PRKN: variants seen among roughly 807,000 people sequenced by gnomAD.
PRKN encodes the protein E3 ubiquitin-protein ligase parkin.
PRKN carries 56 observed loss-of-function variants against 59.5 expected under a neutral mutation model. The ratio of observed to expected loss-of-function variants is 0.94; its 90% confidence interval spans 0.76 to 1.18. The LOEUF (loss-of-function observed/expected upper bound fraction) is 1.18, where lower values mean the gene tolerates loss of function less well. PRKN is among the 50% of genes most tolerant of loss of function. The probability of loss-of-function intolerance (pLI) is 0.00; values close to 1 mark genes in which losing one functional copy is unlikely to be tolerated. For synonymous variants in PRKN, 250 were observed against 222.1 expected (o/e 1.13, Z -1.12); for missense variants, 657 against 596.4 (o/e 1.10, Z -1.06).
intron 7 of PRKN, among the ~76,000 whole-genome samples, chr6:161,714,162 T>C (rs560876735): frequency 3.3e-5 from 5 of 152,232 alleles, no homozygotes; most frequent in South Asian, 2.1e-4. Flanking sequence ...ATATTAGCAA[T>C]AGATGACAAG....
intron 7 of PRKN, among the ~76,000 whole-genome samples, chr6:161,654,471 G>C (rs1784267413): frequency 6.6e-6 from 1 of 152,110 alleles, no homozygotes; most frequent in Non-Finnish European, 1.5e-5. Context: ...GCAATGCCGA[G>C]AGGGAGGAGG....
chr6:161,723,527 G>A lies in PRKN; in HGVS notation c.871+62245C>T, dbSNP rs944547864. Among the ~76,000 whole-genome samples, 10 of 152,166 alleles carry A rather than the reference G, an allele frequency of 6.6e-5. No individual in the cohort carries two copies. In the South Asian group the frequency reaches 1.7e-3, roughly 25 times the overall value. On this transcript the variant is annotated intron_variant, in intron 7 of 11. Coordinates refer to ENST00000366898, the MANE Select transcript of PRKN (RefSeq NM_004562.3). ...TGGCTTTCTGGCTCCTGTTGTTGGC[G>A]GCTGGGAGAAATGACCTATGCAGGG...
At chr6:161,981,815 C>G (rs997528154) in intron 5 of PRKN, among the ~76,000 whole-genome samples, 2 of 152,124 alleles carry the variant, frequency 1.3e-5, no homozygotes, top group Non-Finnish European at 1.5e-5. Context: ...TTAAGTTACA[C>G]CTAGTCAAAC....
At chr6:161,831,029 TC>T (rs376631364) in intron 6 of PRKN, among the ~76,000 whole-genome samples, 1 of 152,122 alleles carries the variant, frequency 6.6e-6, no homozygotes, top group African/African-American at 2.4e-5. Context: ...GTTATCCAGA[TC>T]CCTTTTTATC....
intron 1 of PRKN, among the ~76,000 whole-genome samples, chr6:162,544,198 A>G (rs1779030396): frequency 6.6e-6 from 1 of 152,142 alleles, no homozygotes; most frequent in Non-Finnish European, 1.5e-5. Context: ...TACATAATGG[A>G]TACATAAGCA....
intron 2 of PRKN, among the ~76,000 whole-genome samples, chr6:162,360,686 C>T (rs938414466): frequency 6.6e-6 from 1 of 152,080 alleles, no homozygotes; most frequent in Admixed American, 6.6e-5. Context: ...AAGTAAACAC[C>T]GACAATGAAA....
At chr6:162,016,094 T>C (rs1414759284) in intron 5 of PRKN, among the ~76,000 whole-genome samples, 1 of 152,112 alleles carries the variant, frequency 6.6e-6, no homozygotes, top group Non-Finnish European at 1.5e-5. Flanking sequence ...TTTTATGTTA[T>C]AGGGCAATTT....
chr6:162,579,362 T>C lies in PRKN; in HGVS notation c.8-135889A>G, dbSNP rs368178519. Among the ~76,000 whole-genome samples, 11 of 152,208 alleles carry C rather than the reference T, an allele frequency of 7.2e-5. No individual in the cohort carries two copies. In the South Asian group the frequency reaches 2.3e-3, roughly 32 times the overall value. On this transcript the variant is annotated intron_variant, in intron 1 of 11. Transcript: ENST00000366898. ...CTCTAGAGACTCCTAATCACTGTAGTGGAGGGTGCCTCAACTTCCTTCAGT... is the reference window on the plus strand; with the variant it reads ...CTCTAGAGACTCCTAATCACTGTAGCGGAGGGTGCCTCAACTTCCTTCAGT...
At chr6:162,403,949 T>C (rs955094136) in intron 2 of PRKN, among the ~76,000 whole-genome samples, 2 of 152,188 alleles carry the variant, frequency 1.3e-5, no homozygotes, top group Non-Finnish European at 2.9e-5. Flanking sequence ...GGCTTACCTG[T>C]TTTTTTCATG....
In PRKN at chr6:161,361,208, G is replaced by T. The variant is rs1196755207; in HGVS notation, c.1168-1003C>A. The stretch of plus-strand genomic sequence containing the variant: ...ATCCAAACTTTGTCATTTCACTTTC[G>T]AATTCCAAGCCTTTTTGAAATGTTA... On this transcript the variant is annotated intron_variant, in intron 10 of 11. Transcript: ENST00000366898. This position sits in a 1 kb window ranked among gnomAD's most constrained non-coding sequence, Gnocchi z 5.2. Among the ~76,000 whole-genome samples, 3 of 152,168 alleles carry T rather than the reference G, an allele frequency of 2.0e-5. No individual in the cohort carries two copies. The highest frequency in any genetic ancestry group is 7.2e-5 in the African/African-American group (3 of 41,424).
intron 1 of PRKN, among the ~76,000 whole-genome samples, chr6:162,588,762 A>G (rs1329973408): frequency 6.6e-6 from 1 of 152,022 alleles, no homozygotes; most frequent in Non-Finnish European, 1.5e-5. Context: ...CGTGTTAGCC[A>G]GGATGGTCTC....
At chr6:162,302,267 C>T (rs1037497949) in intron 2 of PRKN, among the ~76,000 whole-genome samples, 11 of 152,060 alleles carry the variant, frequency 7.2e-5, no homozygotes, top group Non-Finnish European at 1.5e-4. Context: ...ATTTAATGCC[C>T]TCCTATTGTG....
Position 161,533,642 on chromosome 6 carries a change from A to G in PRKN, c.1083+15212T>C, listed in dbSNP as rs1311580195. Among the ~76,000 whole-genome samples the G allele has an allele frequency of 6.6e-6, 1 of 152,080 alleles. No homozygotes were observed. The highest frequency in any genetic ancestry group is 1.5e-5 in the Non-Finnish European group (1 of 68,026). The stretch of plus-strand genomic sequence containing the variant: ...CTGGTCAAACCAATCTGTGAGCCCT[A>G]CGTAAATCAGACACTGCCTCCTCAA... On this transcript the variant is annotated intron_variant, in intron 9 of 11. Transcript: ENST00000366898. This position sits in a 1 kb window ranked among gnomAD's most constrained non-coding sequence, Gnocchi z 4.1.
chr6:161,930,817 A>G (rs368796751), intron 6 of PRKN, among the ~76,000 whole-genome samples: 85 of 152,214 alleles, frequency 5.6e-4, no homozygotes, highest in African/African-American at 2.0e-3. Context: ...AAGGCAGGAT[A>G]GTCAGTGTCA....
intron 7 of PRKN, among the ~76,000 whole-genome samples, chr6:161,609,374 G>GT (rs1035061027): frequency 6.6e-6 from 1 of 151,978 alleles, no homozygotes; most frequent in Non-Finnish European, 1.5e-5. Context: ...CATTAACAGT[G>GT]TTTTTTTATT....
At position 162,056,930 on chromosome 6, in the gene PRKN, G is replaced by A. The variant is rs1057400030; in HGVS notation, c.535-2756C>T. 3.3e-5 allele frequency among the ~76,000 whole-genome samples: 5 copies of A among 152,074 alleles called. No homozygotes were observed. Among genetic ancestry groups the A allele is most frequent in the African/African-American group, 1.2e-4 (5 of 41,414 alleles). Reference sequence around the variant, plus strand: ...GGGGAGGACTCAGAGCCTTGCCTGCGGTTTCCTCTAAACTCCTCCCCCTGG... The same window carrying A: ...GGGGAGGACTCAGAGCCTTGCCTGCAGTTTCCTCTAAACTCCTCCCCCTGG... On this transcript the variant is annotated intron_variant, in intron 4 of 11. Coordinates refer to ENST00000366898, the MANE Select transcript of PRKN (RefSeq NM_004562.3). The surrounding 1 kb of genome is among the most constrained non-coding windows in gnomAD (Gnocchi z 4.9).
chr6:162,317,053 C>T (rs1261688228), intron 2 of PRKN, among the ~76,000 whole-genome samples: 1 of 151,582 alleles, frequency 6.6e-6, no homozygotes, highest in Non-Finnish European at 1.5e-5. Context: ...GGAGAGTAGG[C>T]TTATTCACAT....
At chr6:161,703,030 TA>T (rs538755289) in intron 7 of PRKN, among the ~76,000 whole-genome samples, 2,005 of 104,714 alleles carry the variant, frequency 0.019, 38 homozygotes, top group African/African-American at 0.055. Flanking sequence ...GATTCAACAG[TA>T]AAAAAAAAAA....
intron 6 of PRKN, among the ~76,000 whole-genome samples, chr6:161,883,749 T>C (rs551190073): frequency 6.6e-4 from 100 of 152,226 alleles, no homozygotes; most frequent in Middle Eastern, 3.4e-3. Context: ...ACCCCTTGGA[T>C]TCAAGCAATT....
Sources: gnomAD v4.1 joint callset for allele counts (sites outside exome capture counted in the v4.1 genomes callset) on GRCh38, gnomAD v4.1.1 for gene constraint, Gnocchi (gnomAD v3.1) non-coding constraint, MANE v1.5 for transcripts, NCBI Gene and HGNC (gene_info 2026-07-23, HGNC 2026-07-21) for gene names.